Variants in BTBD9 observed in about 807,000 individuals in gnomAD.
The protein encoded by BTBD9 is BTB domain containing 9.
In BTBD9, 49 loss-of-function variants were observed where a neutral mutation model predicts 64.3. The observed-to-expected ratio is 0.76, with a 90% CI of 0.61 to 0.97. BTBD9 has a LOEUF of 0.97. Ranked by LOEUF, BTBD9 falls within the 50% of genes least tolerant of loss-of-function variation. BTBD9 has a pLI of 0.00. For synonymous variants in BTBD9, 260 were observed against 274.7 expected (o/e 0.95, Z 0.53); for missense variants, 598 against 762.1 (o/e 0.78, Z 2.53).
intron 6 of BTBD9, among the ~76,000 whole-genome samples, chr6:38,468,061 T>C (rs1393607872): frequency 2.6e-5 from 4 of 152,176 alleles, no homozygotes; most frequent in African/African-American, 4.8e-5. Flanking sequence ...CTATCCTTCA[T>C]TCTAATCTAT....
At chr6:38,265,794 A>C (rs1347616048) in intron 8 of BTBD9, among the ~76,000 whole-genome samples, 1 of 152,180 alleles carries the variant, frequency 6.6e-6, no homozygotes, top group Non-Finnish European at 1.5e-5. Flanking sequence ...TGCTGGGCTT[A>C]CAGGCGTGAG....
intron 6 of BTBD9, among the ~76,000 whole-genome samples, chr6:38,530,340 A>G (rs956934652): frequency 1.3e-5 from 2 of 152,068 alleles, no homozygotes; most frequent in Non-Finnish European, 1.5e-5. Context: ...TCTTTGTTAG[A>G]CCCTTATTAG....
chr6:38,266,127 G>A (rs1764963802), intron 8 of BTBD9, among the ~76,000 whole-genome samples: 1 of 152,184 alleles, frequency 6.6e-6, no homozygotes, highest in Non-Finnish European at 1.5e-5. Context: ...ATTTTCCTAA[G>A]TTTCCTGGTT....
At chr6:38,223,267 A>G (rs1038259096) in intron 9 of BTBD9, among the ~76,000 whole-genome samples, 2 of 152,184 alleles carry the variant, frequency 1.3e-5, no homozygotes, top group Non-Finnish European at 2.9e-5. Flanking sequence ...AGTCAATCCC[A>G]TGAAACTAGA....
intron 7 of BTBD9, among the ~76,000 whole-genome samples, chr6:38,318,964 G>A (rs1396965043): frequency 3.9e-5 from 6 of 152,194 alleles, no homozygotes; most frequent in African/African-American, 1.2e-4. Context: ...CTGCGACTAC[G>A]CTGGCAGTGA....
chr6:38,553,752 C>G (rs1356977003), intron 6 of BTBD9, among the ~76,000 whole-genome samples: 8 of 151,866 alleles, frequency 5.3e-5, no homozygotes, highest in African/African-American at 1.7e-4. Context: ...ACTTGGGAGG[C>G]TGAGGTGGGA....
intron 6 of BTBD9, among the ~76,000 whole-genome samples, chr6:38,564,871 G>A (rs543629464): frequency 6.2e-4 from 94 of 151,914 alleles, no homozygotes; most frequent in African/African-American, 1.2e-3. Flanking sequence ...CAGCCTGGGC[G>A]ACAGAGCAAG....
intron 9 of BTBD9, among the ~76,000 whole-genome samples, chr6:38,203,006 G>C (rs1424950600): frequency 6.6e-6 from 1 of 151,958 alleles, no homozygotes; most frequent in Non-Finnish European, 1.5e-5. Flanking sequence ...TTAAAAAATG[G>C]GCAAAGGACA....
chr6:38,472,931 T>C (rs1363897219), intron 6 of BTBD9, among the ~76,000 whole-genome samples: 2 of 152,228 alleles, frequency 1.3e-5, no homozygotes, highest in Non-Finnish European at 2.9e-5. Context: ...AACACTGTAT[T>C]CAAAATCTAA....
At chr6:38,194,935 TCA>T (rs1762225289) in intron 9 of BTBD9, among the ~76,000 whole-genome samples, 2 of 152,154 alleles carry the variant, frequency 1.3e-5, no homozygotes, top group African/African-American at 4.8e-5. Flanking sequence ...TCAGAAGGTC[TCA>T]ATTTAATACC....
At chr6:38,350,645 G>T (rs931328853) in intron 6 of BTBD9, among the ~76,000 whole-genome samples, 2 of 152,100 alleles carry the variant, frequency 1.3e-5, no homozygotes, top group African/African-American at 4.8e-5. Flanking sequence ...TATATTCTTA[G>T]GTTAAACAAA....
At chr6:38,515,639 T>C (rs1772991903) in intron 6 of BTBD9, among the ~76,000 whole-genome samples, 2 of 152,078 alleles carry the variant, frequency 1.3e-5, no homozygotes, top group African/African-American at 4.8e-5. Context: ...TAAAAGATAA[T>C]AGGGGAAGAG....
intron 7 of BTBD9, among the ~76,000 whole-genome samples, chr6:38,344,783 T>C (rs546106300): frequency 6.6e-6 from 1 of 152,346 alleles, no homozygotes; most frequent in East Asian, 1.9e-4. Flanking sequence ...GTACAACATT[T>C]ACATTCATTC....
intron 6 of BTBD9, among the ~76,000 whole-genome samples, chr6:38,424,537 G>A (rs1768056980): frequency 6.6e-6 from 1 of 151,912 alleles, no homozygotes; most frequent in Admixed American, 6.5e-5. Context: ...TTCTTTTTGA[G>A]ATGGAGTCTC....
At position 38,413,530 on chromosome 6, in the gene BTBD9, T is replaced by A. The variant is rs141288261; in HGVS notation, c.1155-68437A>T. ...TTACATCTTTTCTCAGCAGGCTTAT[T>A]TTTTAACCAATTAATCATCTAGATT... On this transcript the variant is annotated intron_variant, in intron 6 of 10. Transcript: ENST00000481247. 4.7e-4 allele frequency among the ~76,000 whole-genome samples: 72 copies of A among 152,332 alleles called. 1 individual carries two copies. In the East Asian group the frequency reaches 0.013, roughly 27 times the overall value.
intron 7 of BTBD9, among the ~76,000 whole-genome samples, chr6:38,289,894 C>A (rs1415189246): frequency 6.6e-6 from 1 of 152,034 alleles, no homozygotes. Context: ...TCCCCTGGGA[C>A]CTTTTCTGCA....
At chr6:38,534,588 G>A (rs1202131028) in intron 6 of BTBD9, among the ~76,000 whole-genome samples, 1 of 151,262 alleles carries the variant, frequency 6.6e-6, no homozygotes, top group Non-Finnish European at 1.5e-5. Flanking sequence ...AAAACTACAG[G>A]TCAATATCCC....
intron 6 of BTBD9, among the ~76,000 whole-genome samples, chr6:38,487,199 C>A (rs994713286): frequency 9.2e-5 from 14 of 152,112 alleles, no homozygotes; most frequent in African/African-American, 3.4e-4. Flanking sequence ...AAGAACTAGA[C>A]AAAATTATGT....
chr6:38,293,716 T>C (rs1489430532), intron 7 of BTBD9, among the ~76,000 whole-genome samples: 1 of 152,090 alleles, frequency 6.6e-6, no homozygotes. Flanking sequence ...ATAAAAACTC[T>C]AGAAGAAAAC....
Sources: gnomAD v4.1 joint callset for allele counts (sites outside exome capture counted in the v4.1 genomes callset) on GRCh38, gnomAD v4.1.1 for gene constraint, MANE v1.5 for transcripts, NCBI Gene and HGNC (gene_info 2026-07-23, HGNC 2026-07-21) for gene names.